PROM1: variants seen among roughly 807,000 people sequenced by gnomAD.
The protein encoded by PROM1 is prominin-1.
Under a neutral mutation model 116.9 loss-of-function variants are expected in PROM1, and 105 were observed. The ratio of observed to expected loss-of-function variants is 0.90; its 90% CI spans 0.77 to 1.06. The LOEUF (loss-of-function observed/expected upper bound fraction) is 1.06. PROM1 is among the 50% of genes least tolerant of loss of function. PROM1 has a pLI of 0.00. For synonymous variants in PROM1, 393 were observed against 387.0 expected (o/e 1.02, Z -0.18); for missense variants, 1,122 against 1,045.2 (o/e 1.07, Z -1.01).
intron 2 of PROM1, among the ~76,000 whole-genome samples, chr4:16,058,825 T>C (rs1739645645): frequency 6.6e-6 from 1 of 152,132 alleles, no homozygotes; most frequent in South Asian, 2.1e-4. Context: ...AATAGAAGAA[T>C]TACTAAAAAT....
Position 16,023,829 on chromosome 4 carries a change from C to A in PROM1, c.695-414G>T, listed in dbSNP as rs187017688. On this transcript the variant is annotated intron_variant, in intron 7 of 27. Coordinates refer to ENST00000447510, the MANE Select transcript of PROM1 (RefSeq NM_006017.3). ...CCCCACCTTCACCTCATTGTGACAA[C>A]CCAAAATGTCTCCAGATGTCACCAA... Among the ~76,000 whole-genome samples, 431 of 152,254 alleles carry A rather than the reference C, an allele frequency of 2.8e-3. 1 individual carries two copies. The highest frequency in any genetic ancestry group is 0.01 in the African/African-American group (420 of 41,552).
intron 24 of PROM1, 61 bp from the exon 25 acceptor site, chr4:15,979,965 A>G (rs1717346262): frequency 5.0e-6 from 5 of 992,196 alleles, no homozygotes; most frequent in Non-Finnish European, 4.5e-6. Flanking sequence ...AAGCTCAGCA[A>G]CTACATCCCC....
intron 5 of PROM1, among the ~76,000 whole-genome samples, chr4:16,029,166 T>A (rs188904488): frequency 1.1e-4 from 16 of 152,362 alleles, no homozygotes; most frequent in African/African-American, 3.8e-4. Flanking sequence ...GACTGCTACA[T>A]CTAGCTCAAT....
chr4:16,030,624 G>A (rs1034835994), intron 5 of PROM1, among the ~76,000 whole-genome samples: 2 of 152,134 alleles, frequency 1.3e-5, no homozygotes, highest in Non-Finnish European at 2.9e-5. Flanking sequence ...TTACTTTGTA[G>A]CTTTATTGTT....
chr4:16,075,951 T>G lies in PROM1; in HGVS notation c.-45A>C. On this transcript the variant is annotated 5_prime_UTR_variant, in exon 2 of 28. Coordinates refer to ENST00000447510, the MANE Select transcript of PROM1 (RefSeq NM_006017.3). Reference sequence around the variant, plus strand: ...ACATGAGGTAGAACTTGGTGCCTCCTGCCTCAGAGCTTCTGGAAGCCTTGG... The same window carrying G: ...ACATGAGGTAGAACTTGGTGCCTCCGGCCTCAGAGCTTCTGGAAGCCTTGG... The G allele has an allele frequency of 1.3e-6, 2 of 1,536,758 alleles. No homozygotes were observed. The highest frequency in any genetic ancestry group is 1.8e-6 in the Non-Finnish European group (2 of 1,139,336).
chr4:16,005,730 G>T (rs148283182), intron 13 of PROM1, among the ~76,000 whole-genome samples: 1 of 152,102 alleles, frequency 6.6e-6, no homozygotes, highest in Non-Finnish European at 1.5e-5. Flanking sequence ...CACTGACCTA[G>T]AGCCCCATCT....
intron 2 of PROM1, among the ~76,000 whole-genome samples, chr4:16,065,196 G>A (rs1486630078): frequency 6.6e-6 from 1 of 152,110 alleles, no homozygotes; most frequent in East Asian, 1.9e-4. Context: ...ACATTCCAGA[G>A]CCTGCATGCC....
At chr4:16,056,597 CG>C (rs1739080331) in intron 2 of PROM1, among the ~76,000 whole-genome samples, 1 of 150,264 alleles carries the variant, frequency 6.7e-6, no homozygotes, top group Non-Finnish European at 1.5e-5. Flanking sequence ...GGGTGGAAGA[CG>C]ATCTGTCCCT....
intron 26 of PROM1, among the ~76,000 whole-genome samples, chr4:15,972,261 T>G (rs1481628252): frequency 6.6e-6 from 1 of 152,224 alleles, no homozygotes; most frequent in Non-Finnish European, 1.5e-5. Flanking sequence ...TTAGTATGTT[T>G]TCTGCTGCTA....
rs777725196 is a variant in PROM1 at position 16,018,432 on chromosome 4, A to T, written c.893T>A (p.Leu298Gln). The T allele has an allele frequency of 7.4e-6, 12 of 1,613,730 alleles. No individual in the cohort carries two copies. In the East Asian group the frequency reaches 2.7e-4, roughly 36 times the overall value. The change falls in exon 9 of 28, where the codon CTG (leucine) becomes CAG (glutamine). Residue 298 changes from leucine to glutamine, a missense_variant. Leu to Gln is a moderately radical substitution (Grantham distance 113, BLOSUM62 -2). Coordinates refer to ENST00000447510, the MANE Select transcript of PROM1 (RefSeq NM_006017.3). ...SSSLTSVKTS[L>Q]RSSLNDPLCL... is the part of the protein sequence containing the mutation. Reference sequence around the variant, plus strand: ...CAGAGGGTCATTGAGAGATGACCGCAGGCTAGTTTTCACGCTGGTCAGACT... The same window carrying T: ...CAGAGGGTCATTGAGAGATGACCGCTGGCTAGTTTTCACGCTGGTCAGACT...
intron 4 of PROM1, among the ~76,000 whole-genome samples, chr4:16,034,793 G>GAT (rs1484126270): frequency 1.3e-5 from 2 of 152,218 alleles, no homozygotes; most frequent in African/African-American, 4.8e-5. Context: ...GAGCAAATGT[G>GAT]ATGTCTTGGA....
intron 1 of PROM1, chr4:16,083,300 C>T (rs1745385169): frequency 6.6e-6 from 1 of 152,318 alleles, no homozygotes; most frequent in Admixed American, 6.5e-5. Flanking sequence ...GCACACTCAC[C>T]TCCGACTCCC....
At chr4:16,046,174 G>T (rs948530828) in intron 2 of PROM1, among the ~76,000 whole-genome samples, 3 of 152,226 alleles carry the variant, frequency 2.0e-5, no homozygotes, top group Non-Finnish European at 4.4e-5. Flanking sequence ...GGTCCAGCCT[G>T]CCCTTTCTGG....
intron 12 of PROM1, among the ~76,000 whole-genome samples, chr4:16,007,170 AT>A (rs1725724767): frequency 6.6e-6 from 1 of 152,220 alleles, no homozygotes; most frequent in Non-Finnish European, 1.5e-5. Context: ...TTTCTAAAAT[AT>A]TTTGTGGTTG....
Position 16,035,739 on chromosome 4 carries a change from A to G in PROM1, c.299T>C (p.Leu100Pro). 1 of 1,613,398 alleles carries G rather than the reference A, an allele frequency of 6.2e-7. No homozygotes were observed. The highest frequency in any genetic ancestry group is 1.7e-5 in the Admixed American group (1 of 60,036). Residue 100 changes from leucine to proline, a missense_variant, in exon 4 of 28, where the codon CTA (leucine) becomes CCA (proline). Transcript: ENST00000447510. ...AATAGCAGACAAGGACTTTACCTTT[A>G]GACCTAAGATTACAGTTTCTGGCTG... Reference protein sequence around the residue: ...YDKPETVILGLKIVYYEAGII... With the variant: ...YDKPETVILGPKIVYYEAGII...
At chr4:16,049,875 T>C (rs1737449522) in intron 2 of PROM1, among the ~76,000 whole-genome samples, 1 of 152,136 alleles carries the variant, frequency 6.6e-6, no homozygotes, top group East Asian at 1.9e-4. Context: ...GAGTTACCCA[T>C]TTGCAAACTG....
chr4:16,083,287 T>C (rs1427324003), intron 1 of PROM1: 1 of 151,672 alleles, frequency 6.6e-6, no homozygotes, highest in African/African-American at 2.4e-5. Flanking sequence ...CCCGGTCCAG[T>C]TCGCACACTC....
intron 5 of PROM1, among the ~76,000 whole-genome samples, chr4:16,029,425 G>T (rs1238008244): frequency 6.6e-6 from 1 of 152,028 alleles, no homozygotes; most frequent in African/African-American, 2.4e-5. Context: ...AGAAAGAAAG[G>T]AGAAGAAAGT....
chr4:16,043,156 G>A (rs567549884), intron 2 of PROM1, among the ~76,000 whole-genome samples: 27 of 152,146 alleles, frequency 1.8e-4, no homozygotes, highest in African/African-American at 4.1e-4. Flanking sequence ...GAGTTAAAGC[G>A]GATCTGAGAC....
Sources: gnomAD v4.1 joint callset for allele counts (sites outside exome capture counted in the v4.1 genomes callset) on GRCh38, gnomAD v4.1.1 for gene constraint, MANE v1.5 for transcripts, NCBI Gene and HGNC (gene_info 2026-07-23, HGNC 2026-07-21) for gene names.